The following SEMA3A variants were observed in gnomAD, a reference collection of about 807,000 sequenced individuals.
SEMA3A encodes semaphorin-3A.
In SEMA3A, 29 loss-of-function variants were observed where a neutral mutation model predicts 97.9. The observed-to-expected ratio is 0.30, with a 90% CI of 0.22 to 0.40. SEMA3A has a LOEUF of 0.40. Among genes scored for constraint, SEMA3A ranks in the 10% least tolerant of loss-of-function variants. The pLI is 1.00. For synonymous variants in SEMA3A, 321 were observed against 323.7 expected (o/e 0.99, Z 0.09); for missense variants, 763 against 951.3 (o/e 0.80, Z 2.60).
At chr7:84,145,462 A>G (rs1245732435) in intron 1 of SEMA3A, among the ~76,000 whole-genome samples, 1 of 152,198 alleles carries the variant, frequency 6.6e-6, no homozygotes, top group African/African-American at 2.4e-5. Context: ...AAAAATATCT[A>G]AGAAAAAGCA....
rs58600722 is a variant in SEMA3A at position 84,385,064 on chromosome 7, AACACAC to A, written c.-245-13170_-245-13165del. Among the ~76,000 whole-genome samples the A allele has an allele frequency of 1.0e-3, 154 of 147,426 alleles. 2 individuals are homozygous for A. The highest frequency in any genetic ancestry group is 2.2e-3 in the African/African-American group (87 of 40,148). ...AGTCAAGTGAAGGGAACATCCACAA[AACACAC>A]ACACACACACACACACACACACACA... On this transcript the variant is annotated intron_variant, in intron 1 of 3. Transcript: ENST00000424555.
At chr7:84,104,039 A>G (rs995535594) in intron 4 of SEMA3A, among the ~76,000 whole-genome samples, 2 of 152,088 alleles carry the variant, frequency 1.3e-5, no homozygotes, top group Non-Finnish European at 2.9e-5. Flanking sequence ...TCACCCCAGT[A>G]AATGTAAAAG....
chr7:84,216,671 A>G (rs1798762718), intron 3 of SEMA3A, among the ~76,000 whole-genome samples: 1 of 152,140 alleles, frequency 6.6e-6, no homozygotes, highest in African/African-American at 2.4e-5. Context: ...GATACACATA[A>G]TGACATGGGA....
intron 2 of SEMA3A, among the ~76,000 whole-genome samples, chr7:84,366,829 A>G (rs1465615688): frequency 6.6e-6 from 1 of 151,348 alleles, no homozygotes; most frequent in East Asian, 1.9e-4. Context: ...CTATTCCAAC[A>G]CTAACCATAT....
intron 1 of SEMA3A, among the ~76,000 whole-genome samples, chr7:84,390,117 G>A (rs1803502625): frequency 6.6e-6 from 1 of 151,896 alleles, no homozygotes; most frequent in African/African-American, 2.4e-5. Context: ...AGTATCCTCT[G>A]CATAAAGTAA....
intron 12 of SEMA3A, among the ~76,000 whole-genome samples, chr7:83,995,952 T>C (rs1206835949): frequency 1.3e-5 from 2 of 152,206 alleles, no homozygotes; most frequent in African/African-American, 4.8e-5. Context: ...CTTTCATTTG[T>C]CTGCTCAGCT....
chr7:84,217,537 G>A lies in SEMA3A; in HGVS notation c.-82-22869C>T, dbSNP rs573091791. On this transcript the variant is annotated intron_variant, in intron 3 of 3. Coordinates refer to the SEMA3A transcript ENST00000424555. The stretch of plus-strand genomic sequence containing the variant: ...CTACCATGTGCTGTGGTGTTTAAAT[G>A]TGCTACATTTTGAAAAGATGAAGGG... Among the ~76,000 whole-genome samples the A allele has an allele frequency of 2.0e-3, 311 of 152,194 alleles. 1 individual carries two copies. The highest frequency in any genetic ancestry group is 3.6e-3 in the Non-Finnish European group (246 of 68,016).
chr7:84,231,752 T>C (rs1799120779), intron 3 of SEMA3A, among the ~76,000 whole-genome samples: 1 of 133,848 alleles, frequency 7.5e-6, no homozygotes, highest in Admixed American at 7.6e-5. Flanking sequence ...TTGGCTGATC[T>C]TTACTAAGCA....
At chr7:84,062,792 G>C (rs140365808) in intron 4 of SEMA3A, among the ~76,000 whole-genome samples, 1 of 152,112 alleles carries the variant, frequency 6.6e-6, no homozygotes, top group African/African-American at 2.4e-5. Context: ...CTCGCTGATT[G>C]CTAGCACAGC....
At chr7:84,390,171 C>G (rs1248847031) in intron 1 of SEMA3A, among the ~76,000 whole-genome samples, 4 of 151,894 alleles carry the variant, frequency 2.6e-5, no homozygotes, top group African/African-American at 4.8e-5. Context: ...TGTTTTGGGA[C>G]ACTTTATATT....
At chr7:84,424,555 A>ATAT (rs1426415791) in intron 1 of SEMA3A, among the ~76,000 whole-genome samples, 12 of 79,110 alleles carry the variant, frequency 1.5e-4, no homozygotes, top group African/African-American at 5.0e-4. Flanking sequence ...AATATATATT[A>ATAT]TATATAATAT....
At chr7:84,234,851 A>G (rs1799196509) in intron 3 of SEMA3A, among the ~76,000 whole-genome samples, 1 of 151,982 alleles carries the variant, frequency 6.6e-6, no homozygotes, top group Non-Finnish European at 1.5e-5. Flanking sequence ...ATCTAGGGTA[A>G]TCTTTTGTAG....
chr7:84,219,034 C>G (rs1798813724), intron 3 of SEMA3A, among the ~76,000 whole-genome samples: 1 of 152,082 alleles, frequency 6.6e-6, no homozygotes, highest in South Asian at 2.1e-4. Flanking sequence ...CTACTCCTCT[C>G]AAGGAGACTG....
intron 12 of SEMA3A, among the ~76,000 whole-genome samples, chr7:83,994,030 T>A (rs1336666815): frequency 6.7e-6 from 1 of 148,188 alleles, no homozygotes; most frequent in African/African-American, 2.5e-5. Flanking sequence ...TATTCTTTTT[T>A]CTCTAAACTT....
intron 3 of SEMA3A, among the ~76,000 whole-genome samples, chr7:84,287,890 A>G (rs1486917454): frequency 1.3e-5 from 2 of 152,152 alleles, no homozygotes; most frequent in Admixed American, 6.6e-5. Context: ...TTAAACTCAT[A>G]AAAATATACA....
At chr7:84,269,718 A>C (rs1800095952) in intron 3 of SEMA3A, among the ~76,000 whole-genome samples, 1 of 151,454 alleles carries the variant, frequency 6.6e-6, no homozygotes, top group African/African-American at 2.4e-5. Context: ...TGCAAAAGCA[A>C]CTCTCCACTT....
intron 4 of SEMA3A, among the ~76,000 whole-genome samples, chr7:84,078,552 G>T (rs975235195): frequency 6.6e-6 from 1 of 151,890 alleles, no homozygotes; most frequent in African/African-American, 2.4e-5. Context: ...GTTTTCAGAG[G>T]GTTGTGGTCT....
chr7:84,090,677 G>C (rs1296269126), intron 4 of SEMA3A, among the ~76,000 whole-genome samples: 2 of 152,090 alleles, frequency 1.3e-5, no homozygotes, highest in Admixed American at 6.6e-5. Context: ...TAATTTTAAA[G>C]TCATAATGAT....
intron 2 of SEMA3A, among the ~76,000 whole-genome samples, chr7:84,371,321 A>G (rs1213612769): frequency 6.6e-6 from 1 of 151,866 alleles, no homozygotes; most frequent in Non-Finnish European, 1.5e-5. Context: ...TAGACAGTTG[A>G]GGAATTTAAG....
Sources: allele counts gnomAD v4.1 joint callset (sites outside exome capture counted in the v4.1 genomes callset), GRCh38; gene constraint gnomAD v4.1.1; transcripts MANE v1.5; gene names NCBI Gene and HGNC (gene_info 2026-07-23, HGNC 2026-07-21).